LMO7: variants seen among roughly 807,000 people sequenced by gnomAD.
LMO7 encodes LIM domain only protein 7.
Under a neutral mutation model 206.5 loss-of-function variants are expected in LMO7, and 120 were observed. The ratio of observed to expected loss-of-function variants is 0.58; its 90% CI spans 0.50 to 0.68. The LOEUF is 0.68. Among genes scored for constraint, LMO7 ranks in the 30% least tolerant of loss-of-function variants. The pLI is 0.00. For missense variants in LMO7, 1,959 were observed against 1,957.9 expected, an observed-to-expected ratio of 1.00 and a Z score of -0.01; for synonymous variants, 706 against 681.5, an observed-to-expected ratio of 1.04 and a Z score of -0.56.
chr13:75,655,032 G>A (rs559950915), intron 1 of LMO7, among the ~76,000 whole-genome samples: 32 of 151,986 alleles, frequency 2.1e-4, no homozygotes, highest in African/African-American at 7.0e-4. Flanking sequence ...CACCACGCCC[G>A]GCTAATTTTT....
At position 75,795,474 on chromosome 13, in the gene LMO7, A is replaced by C. The variant is rs781019471; in HGVS notation, c.348+43A>C. The C allele has an allele frequency of 5.1e-6, 7 of 1,374,732 alleles. No homozygotes were observed. The East Asian group carries it at 1.6e-4, about 32-fold the overall frequency. The allele number at this position is 1,374,732 out of a possible 1,614,324, so 85.2% of individuals were successfully genotyped here. On this transcript the variant is annotated intron_variant, in intron 5 of 30. Transcript: ENST00000377534. ...TAATGGAGCATTATAAGTGGCTTTCACTTTCATGTTCTGTAAGAAGGCAGT... is the reference window on the plus strand; with the variant it reads ...TAATGGAGCATTATAAGTGGCTTTCCCTTTCATGTTCTGTAAGAAGGCAGT...
At chr13:75,635,655 G>T (rs1337657715), upstream of LMO7, among the ~76,000 whole-genome samples, 1 of 152,190 alleles carries the variant, frequency 6.6e-6, no homozygotes, top group East Asian at 1.9e-4. Context: ...CCGCGAGCCG[G>T]GGTGGAGGGG....
intron 11 of LMO7, among the ~76,000 whole-genome samples, chr13:75,816,012 C>T (rs1293578240): frequency 2.0e-5 from 3 of 152,136 alleles, no homozygotes; most frequent in African/African-American, 7.2e-5. Flanking sequence ...TTTAATCTGT[C>T]CTTTGGCAAT....
chr13:75,642,155 G>A (rs2139021090), intron 1 of LMO7, among the ~76,000 whole-genome samples: 1 of 152,322 alleles, frequency 6.6e-6, no homozygotes, highest in African/African-American at 2.4e-5. Flanking sequence ...TCCAGGAAGT[G>A]TAAACAGATA....
rs201827055 is a variant in LMO7, at chr13:75,621,772, C to A, written c.79C>A (p.Leu27Ile). Residue 27 changes from leucine to isoleucine, a missense_variant, in exon 1 of 30, where the codon CTC becomes ATC. Physicochemically the swap from Leu to Ile is conservative, Grantham distance 5 (BLOSUM62 2). Coordinates refer to the LMO7 transcript ENST00000341547. ...TGATGTTCTCTTCCAGAGAACAGAG[C>A]TCGGAGCTCTGGAAATTTGGAGGCA... 7 of 1,613,216 alleles carry A rather than the reference C, an allele frequency of 4.3e-6. No individual in the cohort carries two copies. The East Asian group carries it at 1.3e-4, about 31-fold the overall frequency.
chr13:75,664,171 A>G (rs1481383187), intron 1 of LMO7, among the ~76,000 whole-genome samples: 2 of 151,956 alleles, frequency 1.3e-5, no homozygotes, highest in African/African-American at 4.8e-5. Context: ...CATCCTTCTA[A>G]TCTCTATCTC....
At chr13:75,756,657 T>G (rs981492021) in intron 3 of LMO7, among the ~76,000 whole-genome samples, 2 of 152,202 alleles carry the variant, frequency 1.3e-5, no homozygotes, top group African/African-American at 4.8e-5. Context: ...GTGTCTATAG[T>G]GATTATCTTA....
chr13:75,737,795 A>AAAAAAAAAC (rs1566372423), intron 3 of LMO7, among the ~76,000 whole-genome samples: 3 of 127,014 alleles, frequency 2.4e-5, no homozygotes, highest in African/African-American at 5.9e-5. Context: ...AAAAAAAAAA[A>AAAAAAAAAC]AAAAAACTTT....
At chr13:75,767,419 A>T (rs2049045648) in intron 4 of LMO7, among the ~76,000 whole-genome samples, 1 of 152,094 alleles carries the variant, frequency 6.6e-6, no homozygotes, top group Non-Finnish European at 1.5e-5. Flanking sequence ...GCAGGAACCC[A>T]TTGGAAAGTA....
At chr13:75,826,980 C>A (rs2058170161) in intron 15 of LMO7, among the ~76,000 whole-genome samples, 1 of 152,066 alleles carries the variant, frequency 6.6e-6, no homozygotes, top group Non-Finnish European at 1.5e-5. Flanking sequence ...CTTTTGAGGT[C>A]CAATTATTTC....
upstream of LMO7, among the ~76,000 whole-genome samples, chr13:75,635,420 G>A (rs1359015737): frequency 6.6e-6 from 1 of 152,122 alleles, no homozygotes; most frequent in Non-Finnish European, 1.5e-5. Flanking sequence ...AAGCCGACCC[G>A]TGTGCCTCCC....
intron 15 of LMO7, among the ~76,000 whole-genome samples, chr13:75,829,027 A>C (rs116458320): frequency 1.3e-5 from 2 of 152,250 alleles, no homozygotes; most frequent in South Asian, 4.1e-4. Flanking sequence ...GAAAAACAAG[A>C]GGTGGAAGAA....
Position 75,702,070 on chromosome 13 carries a change from T to G in LMO7, c.70-11112T>G, listed in dbSNP as rs550803111. Among the ~76,000 whole-genome samples the G allele has an allele frequency of 5.3e-5, 8 of 152,356 alleles. No homozygotes were observed. In the South Asian group the frequency reaches 1.0e-3, roughly 20 times the overall value. On this transcript the variant is annotated intron_variant, in intron 1 of 30. Coordinates refer to ENST00000377534, the MANE Select transcript of LMO7 (RefSeq NM_001306080.2). The stretch of plus-strand genomic sequence containing the variant: ...TGGCTATGGTCTAGGGAAGTGGGCT[T>G]CTTCTCGTGGACTAGAAATGTTTAA...
At chr13:75,672,358 C>T (rs1409486418) in intron 1 of LMO7, among the ~76,000 whole-genome samples, 1 of 151,764 alleles carries the variant, frequency 6.6e-6, no homozygotes, top group Non-Finnish European at 1.5e-5. Flanking sequence ...TCTTCTGCCT[C>T]AGCCTCCTGA....
At chr13:75,661,071 C>T (rs1414379129) in intron 1 of LMO7, among the ~76,000 whole-genome samples, 1 of 152,148 alleles carries the variant, frequency 6.6e-6, no homozygotes, top group Non-Finnish European at 1.5e-5. Flanking sequence ...TAATTATCTC[C>T]AGCAGTAATT....
At chr13:75,651,206 A>G (rs969913592) in intron 1 of LMO7, among the ~76,000 whole-genome samples, 1 of 152,206 alleles carries the variant, frequency 6.6e-6, no homozygotes, top group African/African-American at 2.4e-5. Context: ...ATGTAAGGAA[A>G]TTAATGTACT....
At chr13:75,824,876 T>C (rs1595334646) in intron 15 of LMO7, among the ~76,000 whole-genome samples, 1 of 152,234 alleles carries the variant, frequency 6.6e-6, no homozygotes, top group East Asian at 1.9e-4. Flanking sequence ...ATTAATAAAA[T>C]ATGTGAAATA....
In LMO7 at chr13:75,809,139, T is replaced by C; in HGVS notation, c.1917-15T>C. Reference sequence around the variant, plus strand: ...GAAAAATGACTTTTTAATTTTTGGTTTTCTGGTTTCTTAGACTCTTTCAAA... The same window carrying C: ...GAAAAATGACTTTTTAATTTTTGGTCTTCTGGTTTCTTAGACTCTTTCAAA... On this transcript the variant is annotated splice_polypyrimidine_tract_variant and intron_variant, in intron 10 of 30. Transcript: ENST00000377534. The C allele has an allele frequency of 6.2e-7, 1 of 1,607,894 alleles. No individual in the cohort carries two copies. The highest frequency in any genetic ancestry group is 2.2e-5 in the East Asian group (1 of 44,792).
intron 2 of LMO7, among the ~76,000 whole-genome samples, chr13:75,625,157 C>T (rs1291462325): frequency 6.6e-6 from 1 of 152,200 alleles, no homozygotes; most frequent in Admixed American, 6.5e-5. Flanking sequence ...AAGGATTGGA[C>T]AGTCTAAACA....
Sources: gnomAD v4.1 joint callset for allele counts (sites outside exome capture counted in the v4.1 genomes callset) on GRCh38, gnomAD v4.1.1 for gene constraint, MANE v1.5 for transcripts, NCBI Gene and HGNC (gene_info 2026-07-23, HGNC 2026-07-21) for gene names.